TGFBR3: variants seen among roughly 807,000 people sequenced by gnomAD.
TGFBR3 encodes transforming growth factor beta receptor type 3.
TGFBR3 carries 46 observed loss-of-function variants against 87.9 expected under a neutral mutation model. The ratio of observed to expected loss-of-function variants is 0.52; its 90% CI spans 0.41 to 0.67. TGFBR3 has a LOEUF of 0.67. TGFBR3 is among the 30% of genes least tolerant of loss of function. The probability of loss-of-function intolerance (pLI) is 0.00; values close to 1 mark genes in which losing one functional copy is unlikely to be tolerated. For missense variants in TGFBR3, 866 were observed against 1,041.9 expected (o/e 0.83, Z 2.32); for synonymous variants, 381 against 391.6 (o/e 0.97, Z 0.32).
intron 4 of TGFBR3, among the ~76,000 whole-genome samples, chr1:91,741,342 C>T (rs1330692946): frequency 2.6e-5 from 4 of 152,058 alleles, no homozygotes; most frequent in Admixed American, 6.6e-5. Flanking sequence ...GGGCAAGGTA[C>T]GGGGAAGGGG....
chr1:91,786,777 A>T, intron 3 of TGFBR3, among the ~76,000 whole-genome samples: 1 of 151,902 alleles, frequency 6.6e-6, no homozygotes, highest in East Asian at 1.9e-4. Flanking sequence ...AAAAAAGAGG[A>T]TGAGTAAATA....
In TGFBR3 at chr1:91,688,574, A is replaced by G. The variant is rs559780822; in HGVS notation, c.2438-4717T>C. ...GCGTAATAAAAGCTTTTTCAACTTT[A>G]AGGCTGCTCTGATGTGTAAGCAGAA... is the stretch of plus-strand genomic sequence containing the variant. On this transcript the variant is annotated intron_variant, in intron 16 of 16. Coordinates refer to ENST00000212355, the MANE Select transcript of TGFBR3 (RefSeq NM_003243.5). 2.6e-5 allele frequency among the ~76,000 whole-genome samples: 4 copies of G among 152,332 alleles called. No individual in the cohort carries two copies. In the South Asian group the frequency reaches 6.2e-4, roughly 24 times the overall value.
chr1:91,761,212 A>AT (rs35307829), intron 3 of TGFBR3, among the ~76,000 whole-genome samples: 2 of 152,230 alleles, frequency 1.3e-5, no homozygotes, highest in South Asian at 4.1e-4. Context: ...ATGAACAAGA[A>AT]TTTTTTATAA....
chr1:91,805,095 A>G (rs1378929817), intron 2 of TGFBR3, among the ~76,000 whole-genome samples: 1 of 152,166 alleles, frequency 6.6e-6, no homozygotes, highest in African/African-American at 2.4e-5. Flanking sequence ...TCTATAACCC[A>G]CTATAAGTAA....
At chr1:91,751,692 C>T (rs944957668) in intron 4 of TGFBR3, among the ~76,000 whole-genome samples, 3 of 152,022 alleles carry the variant, frequency 2.0e-5, no homozygotes, top group Non-Finnish European at 4.4e-5. Context: ...AGCTTCTTCA[C>T]CCATCCCTCC....
intron 2 of TGFBR3, among the ~76,000 whole-genome samples, chr1:91,897,083 T>C (rs567082539): frequency 8.5e-5 from 13 of 152,300 alleles, no homozygotes; most frequent in Non-Finnish European, 1.8e-4. Context: ...TGAGTACACT[T>C]ATATACTTGC....
intron 4 of TGFBR3, among the ~76,000 whole-genome samples, chr1:91,741,988 C>T (rs1673175270): frequency 6.6e-6 from 1 of 152,184 alleles, no homozygotes; most frequent in African/African-American, 2.4e-5. Context: ...CATCTCATGC[C>T]ACCCTCCCAC....
Position 91,706,669 on chromosome 1 carries a change from C to A in TGFBR3, c.2287+1994G>T, listed in dbSNP as rs138402813. ...CTGCTCTGTCTATGGAGTAGCCATT[C>A]TTTTGTTTCTTTACGTCTCTAATAA... On this transcript the variant is annotated intron_variant, in intron 14 of 16. Coordinates refer to ENST00000212355, the MANE Select transcript of TGFBR3 (RefSeq NM_003243.5). Among the ~76,000 whole-genome samples, 1,120 of 152,262 alleles carry A rather than the reference C, an allele frequency of 7.4e-3. 14 individuals are homozygous for A. The highest frequency in any genetic ancestry group is 0.025 in the African/African-American group (1,055 of 41,564).
chr1:91,712,692 AACAC>A (rs1672024003), intron 12 of TGFBR3, 150 bp from the exon 13 acceptor site: 1 of 706,440 alleles, frequency 1.4e-6, no homozygotes, highest in Non-Finnish European at 2.4e-6. Flanking sequence ...TTACAAAAGT[AACAC>A]ACACACATTG....
rs1266317661 is a variant in TGFBR3, at chr1:91,683,352, C to A, written c.*387G>T. 2.1e-6 allele frequency: 1 copy of A among 481,382 alleles called. No homozygotes were observed. The highest frequency in any genetic ancestry group is 4.1e-6 in the Non-Finnish European group (1 of 245,114). The allele number at this position is 481,382 out of a possible 1,614,324, so 29.8% of individuals were successfully genotyped here. Reference sequence around the variant, plus strand: ...CTGGTTCTACTATCTGGCTATTAACCCTTTACCAACTCCTTGAGTCTGGGT... The same window carrying A: ...CTGGTTCTACTATCTGGCTATTAACACTTTACCAACTCCTTGAGTCTGGGT... On this transcript the variant is annotated 3_prime_UTR_variant, in exon 17 of 17. Transcript: ENST00000212355.
intron 12 of TGFBR3, among the ~76,000 whole-genome samples, chr1:91,715,049 C>A (rs1452961514): frequency 6.6e-6 from 1 of 152,176 alleles, no homozygotes; most frequent in African/African-American, 2.4e-5. Context: ...CCACTTTGAC[C>A]CTTTAAGCTT....
chr1:91,846,554 G>A (rs1220725990), intron 2 of TGFBR3, among the ~76,000 whole-genome samples: 1 of 151,584 alleles, frequency 6.6e-6, no homozygotes, highest in Non-Finnish European at 1.5e-5. Context: ...TAACTATCAG[G>A]CTTTTCGCAT....
intron 3 of TGFBR3, among the ~76,000 whole-genome samples, chr1:91,764,302 T>C (rs1210320466): frequency 7.7e-5 from 4 of 51,908 alleles, no homozygotes; most frequent in African/African-American, 3.8e-4. Context: ...TCATCTAATA[T>C]AACCACAAAA....
At chr1:91,807,493 T>G (rs1189216320) in intron 2 of TGFBR3, among the ~76,000 whole-genome samples, 1 of 152,240 alleles carries the variant, frequency 6.6e-6, no homozygotes, top group Admixed American at 6.5e-5. Flanking sequence ...GTTGAAATCA[T>G]GGAGCAACCA....
At chr1:91,705,285 C>T (rs565402629) in intron 14 of TGFBR3, among the ~76,000 whole-genome samples, 64 of 145,974 alleles carry the variant, frequency 4.4e-4, no homozygotes, top group Non-Finnish European at 6.6e-4. Context: ...AGTACAGTGG[C>T]GCGATCTTGG....
chr1:91,852,867 G>A (rs1677793292), intron 2 of TGFBR3, among the ~76,000 whole-genome samples: 1 of 152,090 alleles, frequency 6.6e-6, no homozygotes, highest in African/African-American at 2.4e-5. Context: ...AAAATAACCA[G>A]CTAAAGGCCA....
chr1:91,899,604 T>G (rs1259263625), intron 2 of TGFBR3: 1 of 152,132 alleles, frequency 6.6e-6, no homozygotes, highest in East Asian at 1.9e-4. Flanking sequence ...TATGCTGACA[T>G]CTTGACTTAG....
chr1:91,860,995 A>T (rs926898728), intron 2 of TGFBR3, among the ~76,000 whole-genome samples: 2 of 151,896 alleles, frequency 1.3e-5, no homozygotes, highest in Non-Finnish European at 2.9e-5. Flanking sequence ...AATAGGCAAA[A>T]CTAAATACCT....
intron 1 of TGFBR3, among the ~76,000 whole-genome samples, chr1:91,882,944 T>A (rs567530203): frequency 2.0e-5 from 3 of 152,242 alleles, no homozygotes; most frequent in South Asian, 4.2e-4. Context: ...CTGCTGTTAT[T>A]TAGGATTACT....
Sources: gnomAD v4.1 joint callset for allele counts (sites outside exome capture counted in the v4.1 genomes callset) on GRCh38, gnomAD v4.1.1 for gene constraint, MANE v1.5 for transcripts, NCBI Gene and HGNC (gene_info 2026-07-23, HGNC 2026-07-21) for gene names.